Variants in ATP8A2 observed in about 807,000 individuals in gnomAD.
ATP8A2 encodes ATPase phospholipid transporting 8A2.
In ATP8A2, 100 loss-of-function variants were observed where a neutral mutation model predicts 165.6. The observed-to-expected ratio is 0.60, with a 90% CI of 0.51 to 0.71. ATP8A2 has a LOEUF of 0.71. ATP8A2 is among the 30% of genes least tolerant of loss of function. The probability of loss-of-function intolerance (pLI) is 0.00; values close to 1 mark genes in which losing one functional copy is unlikely to be tolerated. For synonymous variants in ATP8A2, 543 were observed against 548.8 expected (o/e 0.99, Z 0.15); for missense variants, 1,227 against 1,479.5 (o/e 0.83, Z 2.80).
intron 25 of ATP8A2, among the ~76,000 whole-genome samples, chr13:25,726,759 T>C (rs2043502990): frequency 6.6e-6 from 1 of 152,156 alleles, no homozygotes; most frequent in Non-Finnish European, 1.5e-5. Context: ...TGTGGACATC[T>C]TTGGGGGCTG....
At chr13:25,495,153 A>T (rs982618472) in intron 2 of ATP8A2, among the ~76,000 whole-genome samples, 2 of 151,140 alleles carry the variant, frequency 1.3e-5, no homozygotes, top group African/African-American at 4.9e-5. Context: ...TTCCAGTTAT[A>T]ACCTCCTGCT....
chr13:25,807,935 C>T (rs1217256705), intron 27 of ATP8A2, among the ~76,000 whole-genome samples: 3 of 152,046 alleles, frequency 2.0e-5, no homozygotes, highest in Admixed American at 1.3e-4. Flanking sequence ...CTACAGTAAG[C>T]TACTCATTTA....
intron 28 of ATP8A2, among the ~76,000 whole-genome samples, chr13:25,832,961 G>A (rs918740920): frequency 4.2e-5 from 6 of 144,356 alleles, no homozygotes; most frequent in African/African-American, 1.7e-4. Flanking sequence ...GAAAACAAAA[G>A]AAAAAACAGT....
intron 1 of ATP8A2, among the ~76,000 whole-genome samples, chr13:25,440,762 G>A (rs17725925): frequency 0.18 from 27,196 of 152,128 alleles, 3,025 homozygotes; most frequent in East Asian, 0.4. Context: ...TTTTCAATCC[G>A]ATGCCTTCTA....
intron 24 of ATP8A2, among the ~76,000 whole-genome samples, chr13:25,631,829 C>T (rs1486543392): frequency 1.3e-5 from 2 of 152,166 alleles, no homozygotes; most frequent in Admixed American, 6.5e-5. Flanking sequence ...TGCGTACTCT[C>T]ACTCAGTACA....
chr13:25,678,559 A>G (rs1379284570), intron 24 of ATP8A2, among the ~76,000 whole-genome samples: 1 of 151,948 alleles, frequency 6.6e-6, no homozygotes. Flanking sequence ...GCAGGAGGGC[A>G]GGACTGGTGG....
chr13:25,870,697 G>T (rs1047630679), intron 33 of ATP8A2, among the ~76,000 whole-genome samples: 1 of 152,168 alleles, frequency 6.6e-6, no homozygotes, highest in Non-Finnish European at 1.5e-5. Context: ...TCCAAGCTGG[G>T]TCTTCTCACT....
At chr13:25,737,746 G>A (rs556530934) in intron 25 of ATP8A2, among the ~76,000 whole-genome samples, 19 of 152,142 alleles carry the variant, frequency 1.2e-4, no homozygotes, top group Non-Finnish European at 2.8e-4. Flanking sequence ...GCAGTAGCGC[G>A]ATCTCAGTTC....
In ATP8A2 at chr13:25,962,592, C is replaced by T. The variant is rs530830716; in HGVS notation, c.3272+929C>T. On this transcript the variant is annotated intron_variant, in intron 34 of 36. Transcript: ENST00000381655. ...AATAGGACTGATTTTTGTTTTGGGT[C>T]GACCCAATTTCTCCTACAAATAGGT... 3.9e-5 allele frequency among the ~76,000 whole-genome samples: 6 copies of T among 152,234 alleles called. No homozygotes were observed. The South Asian group carries it at 6.2e-4, about 16-fold the overall frequency.
At chr13:25,863,381 T>G (rs1228684636) in intron 33 of ATP8A2, 3 of 152,280 alleles carry the variant, frequency 2.0e-5, no homozygotes, top group Non-Finnish European at 4.4e-5. Flanking sequence ...TCTCTCCATA[T>G]CTAGGCCAGT....
chr13:25,646,354 A>T (rs2041669909), intron 24 of ATP8A2, among the ~76,000 whole-genome samples: 1 of 151,952 alleles, frequency 6.6e-6, no homozygotes, highest in Admixed American at 6.6e-5. Context: ...TTTAGCCTTT[A>T]AAAAAAGCAT....
At chr13:25,700,487 C>T (rs2042928679) in intron 25 of ATP8A2, among the ~76,000 whole-genome samples, 1 of 152,192 alleles carries the variant, frequency 6.6e-6, no homozygotes, top group Non-Finnish European at 1.5e-5. Flanking sequence ...CTCTAATTAG[C>T]CTGTTCTTTT....
At chr13:25,850,543 G>T (rs1170296797) in intron 30 of ATP8A2, among the ~76,000 whole-genome samples, 2 of 146,892 alleles carry the variant, frequency 1.4e-5, no homozygotes, top group African/African-American at 5.1e-5. Flanking sequence ...ACCATGGTTT[G>T]CACAGACGGT....
At position 26,015,801 on chromosome 13, in the gene ATP8A2, C is replaced by T. The variant is rs150980884; in HGVS notation, c.3469+3179C>T. ...TGGGTCCATGAGAGCTCCCTCCAGG[C>T]CCCCATCAGGACTTTTCTGGCTGTT... On this transcript the variant is annotated intron_variant, in intron 36 of 36. Coordinates refer to ENST00000381655, the MANE Select transcript of ATP8A2 (RefSeq NM_016529.6). Among the ~76,000 whole-genome samples the T allele has an allele frequency of 9.3e-4, 142 of 152,304 alleles. 1 individual carries two copies. Among genetic ancestry groups the T allele is most frequent in the African/African-American group, 3.2e-3 (131 of 41,560 alleles).
intron 33 of ATP8A2, among the ~76,000 whole-genome samples, chr13:25,891,239 G>A (rs1390543483): frequency 1.3e-5 from 2 of 152,154 alleles, no homozygotes; most frequent in African/African-American, 2.4e-5. Context: ...GCAAAGTTAC[G>A]CCACTCGAAA....
intron 26 of ATP8A2, among the ~76,000 whole-genome samples, chr13:25,772,605 C>T (rs185671002): frequency 8.6e-4 from 131 of 152,164 alleles, no homozygotes; most frequent in African/African-American, 3.1e-3. Context: ...TGGGACTCCA[C>T]CTAGGATGGA....
intron 25 of ATP8A2, among the ~76,000 whole-genome samples, chr13:25,766,666 G>A (rs2044497092): frequency 6.6e-6 from 1 of 152,180 alleles, no homozygotes; most frequent in Non-Finnish European, 1.5e-5. Flanking sequence ...CTTCCAGCTA[G>A]TATTTTGCAC....
At chr13:25,873,640 C>CTT (rs201451621) in intron 33 of ATP8A2, among the ~76,000 whole-genome samples, 14 of 139,850 alleles carry the variant, frequency 1.0e-4, no homozygotes, top group South Asian at 2.3e-4. Context: ...CTAAGTATCT[C>CTT]TTTTTTTTTT....
intron 2 of ATP8A2, among the ~76,000 whole-genome samples, chr13:25,499,895 G>C (rs1438577352): frequency 6.6e-6 from 1 of 152,172 alleles, no homozygotes; most frequent in Non-Finnish European, 1.5e-5. Flanking sequence ...TGATGATTGT[G>C]TTAAGGTGTG....
Sources: gnomAD v4.1 joint callset for allele counts (sites outside exome capture counted in the v4.1 genomes callset) on GRCh38, gnomAD v4.1.1 for gene constraint, MANE v1.5 for transcripts, NCBI Gene and HGNC (gene_info 2026-07-23, HGNC 2026-07-21) for gene names.